The following PTPRD variants were observed in gnomAD, a reference collection of about 807,000 sequenced individuals.
PTPRD encodes protein tyrosine phosphatase receptor type D.
Under a neutral mutation model 214.5 loss-of-function variants are expected in PTPRD, and 34 were observed. The ratio of observed to expected loss-of-function variants is 0.16; its 90% CI spans 0.12 to 0.21. The LOEUF (loss-of-function observed/expected upper bound fraction) is 0.21. PTPRD is among the 10% of genes least tolerant of loss of function. The pLI is 1.00. For missense variants in PTPRD, 2,545 were observed against 2,398.7 expected (o/e 1.06, Z -1.27); for synonymous variants, 1,128 against 845.7 (o/e 1.33, Z -5.79).
chr9:8,951,129 AG>A (rs1377894904), intron 11 of PTPRD, among the ~76,000 whole-genome samples: 1 of 50,254 alleles, frequency 2.0e-5, no homozygotes, highest in Non-Finnish European at 4.8e-5. Context: ...GCATTTGTTT[AG>A]GAAAAAGAGT....
chr9:9,800,267 C>T (rs1311984858), intron 5 of PTPRD, among the ~76,000 whole-genome samples: 1 of 152,062 alleles, frequency 6.6e-6, no homozygotes, highest in East Asian at 1.9e-4. Flanking sequence ...TCAAGGAATT[C>T]CAGCCTACAG....
chr9:10,459,678 C>A (rs923326600), intron 2 of PTPRD, among the ~76,000 whole-genome samples: 1 of 150,302 alleles, frequency 6.7e-6, no homozygotes, highest in African/African-American at 2.4e-5. Context: ...TTTTTTCATA[C>A]GTTTGTTGGT....
intron 2 of PTPRD, among the ~76,000 whole-genome samples, chr9:10,409,716 T>G (rs2098414730): frequency 3.3e-5 from 5 of 151,816 alleles, no homozygotes; most frequent in Admixed American, 6.6e-5. Context: ...TGTGTAAATT[T>G]GCTTCTAATA....
chr9:8,779,133 G>T (rs1436130687), intron 11 of PTPRD, among the ~76,000 whole-genome samples: 1 of 152,164 alleles, frequency 6.6e-6, no homozygotes, highest in Non-Finnish European at 1.5e-5. Flanking sequence ...TACCCTGATG[G>T]AAAGACAGTA....
At chr9:9,273,250 A>G (rs1569566482) in intron 9 of PTPRD, among the ~76,000 whole-genome samples, 2 of 151,308 alleles carry the variant, frequency 1.3e-5, no homozygotes, top group Non-Finnish European at 3.0e-5. Context: ...TACCAAATAA[A>G]TGGAACTATC....
chr9:9,652,617 C>CTT (rs112986308), intron 7 of PTPRD, among the ~76,000 whole-genome samples: 2 of 143,934 alleles, frequency 1.4e-5, no homozygotes, highest in African/African-American at 2.5e-5. Context: ...TAATATACCA[C>CTT]TTTTTTTTTT....
intron 9 of PTPRD, among the ~76,000 whole-genome samples, chr9:9,189,420 A>G (rs1417725427): frequency 2.6e-5 from 4 of 152,056 alleles, no homozygotes; most frequent in Non-Finnish European, 5.9e-5. Context: ...TCATTTTATT[A>G]AATAAACATT....
intron 2 of PTPRD, among the ~76,000 whole-genome samples, chr9:10,600,188 T>G (rs1412979192): frequency 6.6e-6 from 1 of 151,794 alleles, no homozygotes; most frequent in East Asian, 1.9e-4. Context: ...AACCATTATA[T>G]AAATCAATTT....
chr9:10,156,278 C>G (rs1373834930), intron 3 of PTPRD, among the ~76,000 whole-genome samples: 1 of 151,916 alleles, frequency 6.6e-6, no homozygotes, highest in Non-Finnish European at 1.5e-5. Flanking sequence ...ATTTAGTGCT[C>G]TAAATTTCCT....
intron 11 of PTPRD, among the ~76,000 whole-genome samples, chr9:8,879,128 G>C (rs2098420367): frequency 6.6e-6 from 1 of 152,166 alleles, no homozygotes; most frequent in Non-Finnish European, 1.5e-5. Context: ...CCAGAGAGAG[G>C]CCTGGGTCCC....
intron 9 of PTPRD, among the ~76,000 whole-genome samples, chr9:9,285,050 A>G (rs1948920738): frequency 6.6e-6 from 1 of 151,776 alleles, no homozygotes; most frequent in Admixed American, 6.6e-5. Context: ...GCCTAAAAAT[A>G]ACATTCCATT....
intron 5 of PTPRD, among the ~76,000 whole-genome samples, chr9:9,824,305 T>A (rs117687440): frequency 7.2e-5 from 11 of 152,156 alleles, no homozygotes; most frequent in Admixed American, 1.3e-4. Context: ...ACTTTCTTCA[T>A]TACTTATGAC....
At chr9:8,730,944 C>T (rs2098650713) in intron 12 of PTPRD, among the ~76,000 whole-genome samples, 1 of 150,374 alleles carries the variant, frequency 6.7e-6, no homozygotes, top group Admixed American at 6.7e-5. Context: ...ATTCAAGACA[C>T]CGGAATGAAC....
intron 3 of PTPRD, among the ~76,000 whole-genome samples, chr9:10,164,932 T>G (rs1159928919): frequency 2.0e-5 from 3 of 150,862 alleles, no homozygotes. Flanking sequence ...CTGATTCATC[T>G]GAACTTAGAG....
In PTPRD at chr9:8,518,201, T is replaced by C. The variant is rs770014769; in HGVS notation, c.1190A>G (p.Asn397Ser). 5.6e-6 allele frequency: 9 copies of C among 1,614,086 alleles called. No homozygotes were observed. Among genetic ancestry groups the C allele is most frequent in the East Asian group, 2.2e-5 (1 of 44,900 alleles). ...GCTGGGAGGCCCCCGCCCAATGTTA[T>C]TGACAGCAACAACCCTGAATTCATA... is the stretch of plus-strand genomic sequence containing the variant. ...SDYEFRVVAV[N>S]NIGRGPPSEP... Residue 397 changes from asparagine to serine, a missense_variant, in exon 21 of 46, where the codon AAT becomes AGT. Transcript: ENST00000381196.
chr9:9,385,554 G>C (rs2063611594), intron 9 of PTPRD, among the ~76,000 whole-genome samples: 1 of 152,092 alleles, frequency 6.6e-6, no homozygotes, highest in Non-Finnish European at 1.5e-5. Flanking sequence ...TCCTTTCAGT[G>C]AGCAAGTATT....
intron 3 of PTPRD, among the ~76,000 whole-genome samples, chr9:10,091,633 G>C (rs146390951): frequency 6.6e-6 from 1 of 151,422 alleles, no homozygotes; most frequent in African/African-American, 2.4e-5. Context: ...TTAAACGACA[G>C]GAAATGTTTC....
At chr9:8,692,196 T>C (rs943919759) in intron 12 of PTPRD, among the ~76,000 whole-genome samples, 1 of 152,168 alleles carries the variant, frequency 6.6e-6, no homozygotes, top group Non-Finnish European at 1.5e-5. Context: ...AGCCAGCAGG[T>C]GGATTAGAGA....
At chr9:10,165,470 A>G (rs1205156609) in intron 3 of PTPRD, among the ~76,000 whole-genome samples, 1 of 151,816 alleles carries the variant, frequency 6.6e-6, no homozygotes, top group Non-Finnish European at 1.5e-5. Flanking sequence ...ATAGTGTCAA[A>G]CGTAGAAAAA....
Sources: gnomAD v4.1 joint callset for allele counts (sites outside exome capture counted in the v4.1 genomes callset) on GRCh38, gnomAD v4.1.1 for gene constraint, MANE v1.5 for transcripts, NCBI Gene and HGNC (gene_info 2026-07-23, HGNC 2026-07-21) for gene names.